Variants in ZNF274 observed in about 807,000 individuals in gnomAD.
ZNF274 encodes the protein zinc finger protein 274, also known as neurotrophin receptor-interacting factor homolog.
A neutral mutation model predicts 42.5 loss-of-function variants in ZNF274; 23 were observed. The observed-to-expected ratio is 0.54, with a 90% CI of 0.39 to 0.77. The LOEUF is 0.77. Among genes scored for constraint, ZNF274 ranks in the 30% least tolerant of loss-of-function variants. The probability of loss-of-function intolerance (pLI) is 0.00; values close to 1 mark genes in which losing one functional copy is unlikely to be tolerated. For synonymous variants in ZNF274, 292 were observed against 305.4 expected, an observed-to-expected ratio of 0.96 and a Z score of 0.46; for missense variants, 679 against 806.5, an observed-to-expected ratio of 0.84 and a Z score of 1.91.
At chr19:58,188,716 A>G (rs1433896946) in intron 4 of ZNF274, among the ~76,000 whole-genome samples, 5 of 133,736 alleles carry the variant, frequency 3.7e-5, no homozygotes, top group Non-Finnish European at 7.9e-5. Context: ...ATATATATAT[A>G]TATATATAAA....
At position 58,212,743 on chromosome 19, in the gene ZNF274, A is replaced by G. The variant is rs2076058030; in HGVS notation, c.1562A>G (p.Tyr521Cys). Residue 521 changes from tyrosine to cysteine, a missense_variant, in exon 8 of 8, where the codon TAC (tyrosine) becomes TGC (cysteine). Physicochemically the swap from Tyr to Cys is radical, Grantham distance 194. This residue lies in a region of ZNF274 where 456 missense variants were observed against 590.1 expected (regional missense o/e 0.77). Coordinates refer to ENST00000617501, the MANE Select transcript of ZNF274 (RefSeq NM_133502.3). This position sits in a 1 kb window ranked among gnomAD's most constrained non-coding sequence, Gnocchi z 4.6. ...ECGKIFRNPR[Y>C]FSVHKKIHTG... ...GGTAAAATATTCCGGAACCCAAGAT[A>G]CTTTTCTGTGCATAAGAAAATCCAT... is the stretch of plus-strand genomic sequence containing the variant. The G allele has an allele frequency of 6.2e-7, 1 of 1,613,866 alleles. No homozygotes were observed. Among genetic ancestry groups the G allele is most frequent in the Non-Finnish European group, 8.5e-7 (1 of 1,179,902 alleles).
intron 4 of ZNF274, among the ~76,000 whole-genome samples, chr19:58,194,097 T>C (rs987338247): frequency 1.8e-4 from 27 of 151,946 alleles, no homozygotes; most frequent in African/African-American, 5.1e-4. Context: ...TACAAGTCTC[T>C]GCAAAAAAAT....
intron 5 of ZNF274, chr19:58,209,139 T>TA (rs2076010706): frequency 6.6e-6 from 1 of 152,256 alleles, no homozygotes; most frequent in Non-Finnish European, 1.5e-5. Context: ...CCCTCATTCT[T>TA]ACCTCTTCTG....
At position 58,212,389 on chromosome 19, in the gene ZNF274, G is replaced by A. The variant is rs575347232; in HGVS notation, c.1208G>A (p.Arg403His). The A allele has an allele frequency of 9.5e-5, 153 of 1,613,820 alleles. 1 individual carries two copies. In the South Asian group the frequency reaches 1.2e-3, roughly 13 times the overall value. The change falls in exon 8 of 8, where the codon CGT becomes CAT. Residue 403 changes from arginine (R) to histidine (H), a missense_variant. Around this residue, in one of 2 missense-constraint regions of ZNF274, gnomAD observed 456 missense variants for 590.1 expected, o/e 0.77. Coordinates refer to ENST00000617501, the MANE Select transcript of ZNF274 (RefSeq NM_133502.3). This position sits in a 1 kb window ranked among gnomAD's most constrained non-coding sequence, Gnocchi z 4.6. Reference sequence around the variant, plus strand: ...CCTCAGAAGAAGCACTTTGACAACCGTGAGTCCCAGGCAAACAGTGGTGCT... The same window carrying A: ...CCTCAGAAGAAGCACTTTGACAACCATGAGTCCCAGGCAAACAGTGGTGCT... ...DLPQKKHFDNRESQANSGALD... is the reference protein window; with the variant it reads ...DLPQKKHFDNHESQANSGALD...
chr19:58,188,618 A>ATAT (rs1441510018), intron 4 of ZNF274, among the ~76,000 whole-genome samples: 19 of 52,556 alleles, frequency 3.6e-4, no homozygotes, highest in South Asian at 1.6e-3. Context: ...AAAAAAAAAA[A>ATAT]AAATATATAT....
chr19:58,195,605 C>G (rs2075832526), intron 4 of ZNF274, among the ~76,000 whole-genome samples: 1 of 152,168 alleles, frequency 6.6e-6, no homozygotes, highest in South Asian at 2.1e-4. Flanking sequence ...TTTGACAACT[C>G]TGTGTGCTTC....
intron 4 of ZNF274, among the ~76,000 whole-genome samples, chr19:58,195,596 T>C (rs2075832416): frequency 6.6e-6 from 1 of 152,186 alleles, no homozygotes; most frequent in Non-Finnish European, 1.5e-5. Flanking sequence ...TTGGGCCATT[T>C]TGACAACTCT....
chr19:58,196,555 T>C (rs1344323443), intron 4 of ZNF274, among the ~76,000 whole-genome samples: 3 of 152,046 alleles, frequency 2.0e-5, no homozygotes, highest in Non-Finnish European at 4.4e-5. Context: ...AAGTAGGAAA[T>C]GAGTCCTACA....
intron 4 of ZNF274, among the ~76,000 whole-genome samples, chr19:58,188,688 G>GTATATA (rs1568697739): frequency 5.7e-5 from 3 of 52,976 alleles, no homozygotes; most frequent in Non-Finnish European, 1.0e-4. Flanking sequence ...ATATATATAT[G>GTATATA]TATATGTATA....
chr19:58,213,207 C>A lies in ZNF274; in HGVS notation c.*64C>A. 4.6e-6 allele frequency: 7 copies of A among 1,528,108 alleles called. No homozygotes were observed. The highest frequency in any genetic ancestry group is 5.3e-6 in the Non-Finnish European group (6 of 1,141,364). The allele number at this position is 1,528,108 out of a possible 1,614,324, so 94.7% of individuals were successfully genotyped here. ...GACCCTGCAATATAACATGCACAGG[C>A]CTGCTTGTGAATCAGGACTGAATGT... On this transcript the variant is annotated 3_prime_UTR_variant, in exon 8 of 8. Coordinates refer to ENST00000617501, the MANE Select transcript of ZNF274 (RefSeq NM_133502.3).
rs1416871532 is a variant in ZNF274 at position 58,208,635 on chromosome 19, C to G, written c.740-1326C>G. ...GGCAGCCTCTAGAAGCTGGAAAAGG[C>G]AAGGAATGGATTCTCCCTTGGAGCC... On this transcript the variant is annotated intron_variant, in intron 5 of 7. Transcript: ENST00000617501. This position sits in a 1 kb window ranked among gnomAD's most constrained non-coding sequence, Gnocchi z 4.5. 5 of 152,166 alleles carry G rather than the reference C, an allele frequency of 3.3e-5. No individual in the cohort carries two copies. Among genetic ancestry groups the G allele is most frequent in the Middle Eastern group, 3.2e-3 (1 of 316 alleles). 9.4% of individuals were successfully genotyped at this position (152,166 alleles called of 1,614,324 possible).
At chr19:58,184,258 A>G (rs1481412179) in intron 2 of ZNF274, 1 of 450,010 alleles carries the variant, frequency 2.2e-6, no homozygotes, top group Non-Finnish European at 4.0e-6. Flanking sequence ...TATCCTTTAT[A>G]TTGGGAAGAG....
intron 4 of ZNF274, among the ~76,000 whole-genome samples, chr19:58,199,252 G>C (rs2075880717): frequency 6.6e-6 from 1 of 151,576 alleles, no homozygotes; most frequent in Non-Finnish European, 1.5e-5. Context: ...TGTAATCCCA[G>C]CTACTTAGGA....
At chr19:58,188,709 T>C (rs2075741428) in intron 4 of ZNF274, among the ~76,000 whole-genome samples, 2 of 123,736 alleles carry the variant, frequency 1.6e-5, no homozygotes, top group East Asian at 2.0e-4. Context: ...TATATATATA[T>C]ATATATATAT....
rs1424054006 is a variant in ZNF274, at chr19:58,212,682, C to T, written c.1501C>T (p.His501Tyr). The T allele has an allele frequency of 1.2e-6, 2 of 1,614,010 alleles. No homozygotes were observed. The highest frequency in any genetic ancestry group is 1.7e-6 in the Non-Finnish European group (2 of 1,179,898). The part of the protein sequence containing the change: ...STKQITFIRI[H>Y]KGSQVCRCSE... ...TAAACAGATTACGTTTATAAGAATT[C>T]ACAAGGGGAGCCAAGTTTGCCGATG... is the stretch of plus-strand genomic sequence containing the variant. Residue 501 changes from histidine to tyrosine, a missense_variant, in exon 8 of 8, where the codon CAC (histidine) becomes TAC (tyrosine). Coordinates refer to ENST00000617501, the MANE Select transcript of ZNF274 (RefSeq NM_133502.3). The surrounding 1 kb of genome is among the most constrained non-coding windows in gnomAD (Gnocchi z 4.6).
rs144710074 is a variant in ZNF274, at chr19:58,211,457, G to A, written c.853-103G>A. 2 of 1,443,360 alleles carry A rather than the reference G, an allele frequency of 1.4e-6. No individual in the cohort carries two copies. The highest frequency in any genetic ancestry group is 4.8e-5 in the East Asian group (2 of 41,258). 89.4% of individuals were successfully genotyped at this position (1,443,360 alleles called of 1,614,324 possible). A position where few individuals can be genotyped will look rare whatever the true frequency, so the allele number is the denominator to read the frequency against. Reference sequence around the variant, plus strand: ...AATCCCCAAAGCAGGAGAGTCCCTAGCACCGTGAGCTCTGTCAGAACCTCC... The same window carrying A: ...AATCCCCAAAGCAGGAGAGTCCCTAACACCGTGAGCTCTGTCAGAACCTCC... On this transcript the variant is annotated intron_variant, in intron 6 of 7. Coordinates refer to ENST00000617501, the MANE Select transcript of ZNF274 (RefSeq NM_133502.3). The surrounding 1 kb of genome is among the most constrained non-coding windows in gnomAD (Gnocchi z 4.8).
chr19:58,212,873 ATGTC>A lies in ZNF274; in HGVS notation c.1693_1696del (p.Cys565ArgfsTer17), dbSNP rs761040311. The A allele has an allele frequency of 1.2e-5, 19 of 1,613,898 alleles. No homozygotes were observed. ...TTCATTCTGGAGAGAGACCATTTGA[ATGTC>A]AGGAGTGTGGGAGGACCTTCAATGA... On this transcript the variant is annotated frameshift_variant, in exon 8 of 8. Coordinates refer to ENST00000617501, the MANE Select transcript of ZNF274 (RefSeq NM_133502.3). LOFTEE classifies it high-confidence loss of function. This position sits in a 1 kb window ranked among gnomAD's most constrained non-coding sequence, Gnocchi z 4.6.
At position 58,212,778 on chromosome 19, in the gene ZNF274, A is replaced by C. The variant is rs755404744; in HGVS notation, c.1597A>C (p.Arg533=). ...GCATAAGAAAATCCATACCGGAGAG[A>C]GGCCCTATGTGTGTCAAGACTGTGG... The part of the protein sequence containing the change: ...SVHKKIHTGE[R]PYVCQDCGKG... The change falls in exon 8 of 8, where the codon AGG becomes CGG. Residue 533 remains arginine, a synonymous_variant. Coordinates refer to ENST00000617501, the MANE Select transcript of ZNF274 (RefSeq NM_133502.3). This position sits in a 1 kb window ranked among gnomAD's most constrained non-coding sequence, Gnocchi z 4.6. 4 of 1,613,998 alleles carry C rather than the reference A, an allele frequency of 2.5e-6. No individual in the cohort carries two copies. The South Asian group carries it at 4.4e-5, about 18-fold the overall frequency.
intron 4 of ZNF274, among the ~76,000 whole-genome samples, chr19:58,199,625 A>T (rs530367487): frequency 6.6e-6 from 1 of 152,182 alleles, no homozygotes; most frequent in Non-Finnish European, 1.5e-5. Context: ...AGGCATGAGA[A>T]TTGCTTGAAC....
Sources: allele counts gnomAD v4.1 joint callset (sites outside exome capture counted in the v4.1 genomes callset), GRCh38; gene constraint gnomAD v4.1.1; regional missense constraint gnomAD v4.1.1; non-coding constraint Gnocchi (gnomAD v3.1); transcripts MANE v1.5; gene names NCBI Gene and HGNC (gene_info 2026-07-23, HGNC 2026-07-21).